Variants in TENM3 observed in about 807,000 individuals in gnomAD.
TENM3 encodes the protein teneurin transmembrane protein 3, also known as teneurin-3.
In TENM3, 63 loss-of-function variants were observed where a neutral mutation model predicts 255.1. The observed-to-expected ratio is 0.25, with a 90% confidence interval of 0.20 to 0.30. The LOEUF (loss-of-function observed/expected upper bound fraction) is 0.30, where lower values mean the gene tolerates loss of function less well. Ranked by LOEUF, TENM3 falls within the 10% of genes least tolerant of loss-of-function variation. TENM3 has a pLI of 1.00. For synonymous variants in TENM3, 1,306 were observed against 1,322.3 expected (o/e 0.99, Z 0.27); for missense variants, 2,929 against 3,461.1 (o/e 0.85, Z 3.86).
intron 13 of TENM3, among the ~76,000 whole-genome samples, chr4:182,716,925 G>C (rs1338639960): frequency 6.6e-6 from 1 of 152,176 alleles, no homozygotes; most frequent in Non-Finnish European, 1.5e-5. Flanking sequence ...GAGGAGGAGA[G>C]GGTGAAGAGC....
Position 182,377,301 on chromosome 4 carries a change from G to GTATT in TENM3, c.511+30381_511+30384dup, listed in dbSNP as rs751941925. ...GTATAGGCACATAAAGCCACATTTT[G>GTATT]TATTTATTTATTCATTTATTTATTT... On this transcript the variant is annotated intron_variant, in intron 3 of 27. Transcript: ENST00000511685. Among the ~76,000 whole-genome samples the GTATT allele has an allele frequency of 2.8e-3, 421 of 152,074 alleles. 1 individual carries two copies. The highest frequency in any genetic ancestry group is 0.01 in the South Asian group (50 of 4,816).
At chr4:182,296,099 G>A (rs1761473667) in intron 1 of TENM3, among the ~76,000 whole-genome samples, 1 of 152,084 alleles carries the variant, frequency 6.6e-6, no homozygotes, top group Admixed American at 6.5e-5. Context: ...GAGTAGCTGG[G>A]ATTACAGGCA....
the TENM3 span, among the ~76,000 whole-genome samples, chr4:181,637,805 C>T: frequency 6.6e-6 from 1 of 152,110 alleles, no homozygotes; most frequent in African/African-American, 2.4e-5. Context: ...ATCTATGGCC[C>T]GTGAGACATG....
chr4:181,538,404 C>T, the TENM3 span, among the ~76,000 whole-genome samples: 2 of 151,714 alleles, frequency 1.3e-5, no homozygotes, highest in East Asian at 1.9e-4. Flanking sequence ...AGTAAACGCT[C>T]GGAACATAAA....
At chr4:181,558,532 C>T in the TENM3 span, among the ~76,000 whole-genome samples, 1 of 152,196 alleles carries the variant, frequency 6.6e-6, no homozygotes, top group African/African-American at 2.4e-5. Flanking sequence ...CTTTCACAAA[C>T]CATTCCATAA....
the TENM3 span, among the ~76,000 whole-genome samples, chr4:181,759,517 T>A: frequency 6.6e-6 from 1 of 152,158 alleles, no homozygotes. Flanking sequence ...AGGAGTATTA[T>A]GGAAGTGGAA....
At position 182,346,698 on chromosome 4, in the gene TENM3, C is replaced by G; in HGVS notation, c.280C>G (p.Arg94Gly). The G allele has an allele frequency of 2.5e-6, 4 of 1,613,648 alleles. No individual in the cohort carries two copies. The highest frequency in any genetic ancestry group is 3.4e-6 in the Non-Finnish European group (4 of 1,179,830). Residue 94 changes from arginine to glycine, a missense_variant, in exon 3 of 28, where the codon CGA (arginine) becomes GGA (glycine). Arg to Gly is a moderately radical substitution (Grantham distance 125, BLOSUM62 -2). This residue lies in a region of TENM3 where 283 missense variants were observed against 256.9 expected (regional missense o/e 1.10). Transcript: ENST00000511685. ...GTTAGGAGTTTGTGAACCAGCAACT[C>G]GAAGAGGACTGGCATTTTGTGCGGA... ...RQLGVCEPAT[R>G]RGLAFCAEMG...
At chr4:181,957,573 A>G in the TENM3 span, among the ~76,000 whole-genome samples, 1 of 152,304 alleles carries the variant, frequency 6.6e-6, no homozygotes, top group African/African-American at 2.4e-5. Flanking sequence ...AACATAATTT[A>G]AATGTGCCAG....
At chr4:182,164,867 C>T (rs1033423679) in intron 1 of TENM3, among the ~76,000 whole-genome samples, 2 of 152,150 alleles carry the variant, frequency 1.3e-5, no homozygotes, top group Admixed American at 6.5e-5. Flanking sequence ...TTTTAACCTC[C>T]TTGAAGGTAG....
rs180936336 is a variant in TENM3, at chr4:182,417,067, G to A, written c.511+70138G>A. Among the ~76,000 whole-genome samples the A allele has an allele frequency of 9.4e-3, 1,428 of 152,088 alleles. 27 individuals carry two copies. Among genetic ancestry groups the A allele is most frequent in the African/African-American group, 0.032 (1,331 of 41,492 alleles). ...CGGCTCACTGCAAGCTCCGCCTCCC[G>A]GGTTCACGCCATTCTCCTGCCTCAG... On this transcript the variant is annotated intron_variant, in intron 3 of 27. Transcript: ENST00000511685.
At chr4:182,179,432 A>C (rs1444729989) in intron 1 of TENM3, among the ~76,000 whole-genome samples, 1 of 152,228 alleles carries the variant, frequency 6.6e-6, no homozygotes, top group Non-Finnish European at 1.5e-5. Flanking sequence ...GCTGGAATGA[A>C]AGACAGTACT....
chr4:182,686,062 C>G (rs552516485), intron 11 of TENM3, among the ~76,000 whole-genome samples: 1 of 151,894 alleles, frequency 6.6e-6, no homozygotes, highest in East Asian at 1.9e-4. Flanking sequence ...CTAATTTTAC[C>G]TGTATACTAA....
At chr4:182,790,033 C>T (rs535984678) in intron 25 of TENM3, among the ~76,000 whole-genome samples, 76 of 151,936 alleles carry the variant, frequency 5.0e-4, no homozygotes, top group Non-Finnish European at 8.1e-4. Flanking sequence ...GTATGCTGTG[C>T]GGCTTGGGGT....
the TENM3 span, among the ~76,000 whole-genome samples, chr4:181,597,669 G>C: frequency 1.6e-3 from 248 of 152,090 alleles, no homozygotes; most frequent in African/African-American, 5.8e-3. Context: ...CTTACCAAAG[G>C]TTCCCTCAAT....
At chr4:181,707,628 A>T in the TENM3 span, among the ~76,000 whole-genome samples, 2 of 152,194 alleles carry the variant, frequency 1.3e-5, no homozygotes, top group Non-Finnish European at 2.9e-5. Flanking sequence ...CAACTTCCTT[A>T]AATGACCAAA....
At chr4:181,497,528 A>C in the TENM3 span, among the ~76,000 whole-genome samples, 784 of 152,308 alleles carry the variant, frequency 5.1e-3, 9 homozygotes, top group African/African-American at 0.018. Flanking sequence ...TGTAATCGAT[A>C]AATCTTATTG....
Position 182,254,323 on chromosome 4 carries a change from T to TTC in TENM3, c.-76+10857_-76+10858dup, listed in dbSNP as rs1285120678. ...ATTCTCTCCCTTTTTTGAGGACTTT[T>TTC]TCTCTCTCTCTTTTTTTTTTTGTAG... is the stretch of plus-strand genomic sequence containing the variant. On this transcript the variant is annotated intron_variant, in intron 1 of 27. Coordinates refer to ENST00000511685, the MANE Select transcript of TENM3 (RefSeq NM_001080477.4). Among the ~76,000 whole-genome samples, 10 of 135,594 alleles carry TTC rather than the reference T, an allele frequency of 7.4e-5. No individual in the cohort carries two copies. In the East Asian group the frequency reaches 7.9e-4, roughly 11 times the overall value. The allele number at this position is 135,594 out of a possible 152,430, so 89.0% of individuals were successfully genotyped here.
At chr4:181,894,047 G>A in the TENM3 span, among the ~76,000 whole-genome samples, 1 of 151,646 alleles carries the variant, frequency 6.6e-6, no homozygotes, top group African/African-American at 2.4e-5. Flanking sequence ...AAAAAAATGA[G>A]TTCTAGCAGG....
chr4:181,758,225 T>C, the TENM3 span, among the ~76,000 whole-genome samples: 100 of 152,250 alleles, frequency 6.6e-4, no homozygotes, highest in East Asian at 0.014. Context: ...ATGAGCTCCT[T>C]TGGGGACATG....
Sources: allele counts gnomAD v4.1 joint callset (sites outside exome capture counted in the v4.1 genomes callset), GRCh38; gene constraint gnomAD v4.1.1; regional missense constraint gnomAD v4.1.1; transcripts MANE v1.5; gene names NCBI Gene and HGNC (gene_info 2026-07-23, HGNC 2026-07-21).